NRP1: variants seen among roughly 807,000 people sequenced by gnomAD.
NRP1 encodes the protein neuropilin 1.
NRP1 carries 35 observed loss-of-function variants against 106.7 expected under a neutral mutation model. The ratio of observed to expected loss-of-function variants is 0.33; its 90% CI spans 0.25 to 0.43. The LOEUF is 0.43. Ranked by LOEUF, NRP1 falls within the 20% of genes least tolerant of loss-of-function variation. NRP1 has a pLI of 1.00. For synonymous variants in NRP1, 437 were observed against 417.9 expected (o/e 1.05, Z -0.56); for missense variants, 1,024 against 1,170.4 (o/e 0.87, Z 1.83).
chr10:33,230,595 ATATGTGTG>A (rs1187930397), intron 6 of NRP1, among the ~76,000 whole-genome samples: 27 of 116,770 alleles, frequency 2.3e-4, no homozygotes, highest in Middle Eastern at 8.8e-3. Flanking sequence ...AGTTTCTCAT[ATATGTGTG>A]TGTGTGTGTG....
At chr10:33,321,469 C>A (rs1847505188) in intron 2 of NRP1, among the ~76,000 whole-genome samples, 1 of 152,156 alleles carries the variant, frequency 6.6e-6, no homozygotes, top group African/African-American at 2.4e-5. Context: ...ACAGCCTAAT[C>A]TCTTATCAGA....
chr10:33,330,140 T>C (rs1231050543), intron 2 of NRP1, among the ~76,000 whole-genome samples: 2 of 152,222 alleles, frequency 1.3e-5, no homozygotes, highest in African/African-American at 4.8e-5. Flanking sequence ...TTTTAATCAG[T>C]AATCCACCAT....
chr10:33,301,089 CG>C (rs1280334564), intron 2 of NRP1, among the ~76,000 whole-genome samples: 2 of 152,288 alleles, frequency 1.3e-5, no homozygotes, highest in East Asian at 3.9e-4. Context: ...CAAATCAGGA[CG>C]TTGCCACACA....
rs1183564450 is a variant in NRP1 at position 33,249,046 on chromosome 10, C to A, written c.981+4982G>T. Among the ~76,000 whole-genome samples, 9 of 141,018 alleles carry A rather than the reference C, an allele frequency of 6.4e-5. No individual in the cohort carries two copies. In the Admixed American group the frequency reaches 6.5e-4, roughly 10 times the overall value. The allele number at this position is 141,018 out of a possible 152,430, so 92.5% of individuals were successfully genotyped here. A position where few individuals can be genotyped will look rare whatever the true frequency, so the allele number is the denominator to read the frequency against. On this transcript the variant is annotated intron_variant, in intron 6 of 16. Coordinates refer to ENST00000374867, the MANE Select transcript of NRP1 (RefSeq NM_003873.7). ...CTGGTGCTATTTTTGTTTCTTTGAA[C>A]AACAAAGTTCATATCCCACCCAGGT...
chr10:33,239,909 T>G (rs1840885169), intron 6 of NRP1, among the ~76,000 whole-genome samples: 1 of 152,218 alleles, frequency 6.6e-6, no homozygotes, highest in African/African-American at 2.4e-5. Flanking sequence ...CCTTCCTGTA[T>G]TTTTGAAAAT....
rs775089363 is a variant in NRP1 at position 33,270,819 on chromosome 10, T to A, written c.286A>T (p.Asn96Tyr). Residue 96 changes from asparagine to tyrosine, a missense_variant, in exon 3 of 17, where the codon AAT becomes TAT. Transcript: ENST00000374867. ...YVEVFDGENE[N>Y]GHFRGKFCGK... ...CAGAACTTTCCCCTAAAATGTCCAT[T>A]TTCATTTTCTCCATCGAAGACTTCC... 3 of 1,613,338 alleles carry A rather than the reference T, an allele frequency of 1.9e-6. No individual in the cohort carries two copies. Among genetic ancestry groups the A allele is most frequent in the Non-Finnish European group, 2.5e-6 (3 of 1,179,668 alleles).
At chr10:33,191,806 G>A (rs545914904) in intron 13 of NRP1, among the ~76,000 whole-genome samples, 61 of 151,876 alleles carry the variant, frequency 4.0e-4, no homozygotes, top group Middle Eastern at 3.4e-3. Flanking sequence ...GTGAAATCCC[G>A]TCTCTACTAA....
At chr10:33,224,020 G>A (rs567270127) in intron 7 of NRP1, among the ~76,000 whole-genome samples, 2 of 152,270 alleles carry the variant, frequency 1.3e-5, no homozygotes, top group East Asian at 1.9e-4. Context: ...GTTGGTGGTC[G>A]AAAGCTGCAC....
chr10:33,276,217 T>TAAA (rs1564447503), intron 2 of NRP1, among the ~76,000 whole-genome samples: 1 of 152,200 alleles, frequency 6.6e-6, no homozygotes, highest in African/African-American at 2.4e-5. Context: ...TACCTATATA[T>TAAA]AAATAAACAA....
chr10:33,331,469 A>C (rs1203510225), intron 1 of NRP1, among the ~76,000 whole-genome samples: 1 of 152,228 alleles, frequency 6.6e-6, no homozygotes, highest in African/African-American at 2.4e-5. Context: ...AACAAAGTAT[A>C]TTTGGTGAAG....
intron 6 of NRP1, among the ~76,000 whole-genome samples, chr10:33,243,607 G>T (rs1841186737): frequency 7.2e-6 from 1 of 139,136 alleles, no homozygotes; most frequent in African/African-American, 2.9e-5. Flanking sequence ...TCTCCTGAAA[G>T]AAGGCAATTA....
At chr10:33,226,730 T>C (rs996753018) in intron 6 of NRP1, among the ~76,000 whole-genome samples, 1 of 152,214 alleles carries the variant, frequency 6.6e-6, no homozygotes, top group Non-Finnish European at 1.5e-5. Flanking sequence ...CTGTACGTTA[T>C]CTTAACCCAG....
intron 2 of NRP1, among the ~76,000 whole-genome samples, chr10:33,277,162 GGAAAAATGCTTATGATATAATCAGT>G (rs1387409232): frequency 1.3e-5 from 2 of 151,204 alleles, no homozygotes; most frequent in African/African-American, 2.4e-5. Context: ...TTAAATAACA[GGAAAAATGCTTATGATATAATCAGT>G]GAAAAATGCT....
chr10:33,185,614 C>T lies in NRP1; in HGVS notation c.2431+14G>A, dbSNP rs759617665. ...GCAAGCACTCCATTGGTTTCTACAG[C>T]AGCTCATACTTACTTGCACAATCTT... On this transcript the variant is annotated intron_variant, in intron 15 of 16. Coordinates refer to ENST00000374867, the MANE Select transcript of NRP1 (RefSeq NM_003873.7). The T allele has an allele frequency of 4.4e-6, 7 of 1,581,282 alleles. No individual in the cohort carries two copies. In the East Asian group the frequency reaches 1.6e-4, roughly 35 times the overall value.
intron 9 of NRP1, 77 bp downstream of exon 9, chr10:33,213,309 C>T: frequency 6.2e-7 from 1 of 1,614,174 alleles, no homozygotes; most frequent in Non-Finnish European, 8.5e-7. Context: ...AGAAGCCCTT[C>T]CTCGGGAGAA....
At position 33,263,724 on chromosome 10, in the gene NRP1, G is replaced by A. The variant is rs1210764401; in HGVS notation, c.580C>T (p.Leu194=). The change falls in exon 4 of 17, where the codon CTG becomes TTG. Residue 194 remains leucine, a synonymous_variant. Coordinates refer to ENST00000374867, the MANE Select transcript of NRP1 (RefSeq NM_003873.7). The stretch of plus-strand genomic sequence containing the variant: ...CCTGGAGGATTTGAGTCAGGCTCCA[G>A]GTCAAAGCTTTCAAATTCCAGGATA... The part of the protein sequence containing the change: ...EIILEFESFD[L]EPDSNPPGGM... The A allele has an allele frequency of 6.2e-7, 1 of 1,614,084 alleles. No individual in the cohort carries two copies. Among genetic ancestry groups the A allele is most frequent in the South Asian group, 1.1e-5 (1 of 91,080 alleles).
intron 3 of NRP1, among the ~76,000 whole-genome samples, chr10:33,265,116 AAAAC>A (rs372867658): frequency 4.4e-4 from 66 of 151,708 alleles, no homozygotes; most frequent in East Asian, 7.7e-4. Context: ...TCCGCCTCAA[AAAAC>A]AAACAAACAA....
chr10:33,239,228 C>T (rs1338331491), intron 6 of NRP1, among the ~76,000 whole-genome samples: 1 of 151,652 alleles, frequency 6.6e-6, no homozygotes, highest in Non-Finnish European at 1.5e-5. Flanking sequence ...GTCGATGCTG[C>T]AGTGAGCTGC....
chr10:33,183,201 G>A (rs1409458358), intron 15 of NRP1, among the ~76,000 whole-genome samples: 2 of 152,088 alleles, frequency 1.3e-5, no homozygotes, highest in Non-Finnish European at 2.9e-5. Flanking sequence ...AGCTGCTTAG[G>A]AGGCTGAGGC....
Sources: allele counts gnomAD v4.1 joint callset (sites outside exome capture counted in the v4.1 genomes callset), GRCh38; gene constraint gnomAD v4.1.1; transcripts MANE v1.5; gene names NCBI Gene and HGNC (gene_info 2026-07-23, HGNC 2026-07-21).